The following PHACTR4 variants were observed in gnomAD, a reference collection of about 807,000 sequenced individuals.
The protein encoded by PHACTR4 is phosphatase and actin regulator 4, also known as protein phosphatase 1, regulatory subunit 124.
PHACTR4 carries 51 observed loss-of-function variants against 72.7 expected under a neutral mutation model. That is an observed-to-expected ratio of 0.70 (90% confidence interval 0.56 to 0.89). PHACTR4 has a LOEUF of 0.89. PHACTR4 is among the 40% of genes least tolerant of loss of function. The pLI, the probability that PHACTR4 is intolerant of heterozygous loss-of-function variation, is 0.00. For synonymous variants in PHACTR4, 255 were observed against 302.5 expected, an observed-to-expected ratio of 0.84 and a Z score of 1.63; for missense variants, 731 against 861.8, an observed-to-expected ratio of 0.85 and a Z score of 1.90.
chr1:28,414,935 G>A (rs147079369), intron 2 of PHACTR4, among the ~76,000 whole-genome samples: 1,796 of 152,192 alleles, frequency 0.012, 8 homozygotes, highest in Non-Finnish European at 0.017. Context: ...TGTATTACTT[G>A]TTAACCTATA....
intron 9 of PHACTR4, among the ~76,000 whole-genome samples, chr1:28,487,717 GTTTTTTGTTGT>G (rs1395865173): frequency 9.8e-6 from 1 of 102,416 alleles, no homozygotes; most frequent in African/African-American, 4.1e-5. Flanking sequence ...ACAAATTGTA[GTTTTTTGTTGT>G]TTTTTTTTTT....
intron 2 of PHACTR4, among the ~76,000 whole-genome samples, chr1:28,410,929 A>C (rs1193112012): frequency 6.7e-6 from 1 of 149,680 alleles, no homozygotes; most frequent in African/African-American, 2.5e-5. Context: ...CTGGTCTTGA[A>C]CTCCTGACCT....
At chr1:28,384,027 G>GGGT (rs1652382190) in intron 1 of PHACTR4, among the ~76,000 whole-genome samples, 1 of 152,138 alleles carries the variant, frequency 6.6e-6, no homozygotes, top group South Asian at 2.1e-4. Flanking sequence ...TGATTGTGGT[G>GGGT]GGTAAGCTTT....
rs560852561 is a variant in PHACTR4, at chr1:28,494,609, G to A, written c.2093+1518G>A. Among the ~76,000 whole-genome samples the A allele has an allele frequency of 2.4e-3, 371 of 152,318 alleles. 2 individuals carry two copies. The highest frequency in any genetic ancestry group is 8.3e-3 in the African/African-American group (345 of 41,574). ...AGAGGTTGCAGTGAGCCGAGATCGC[G>A]CAACTGCGCTCCAACCTGGGCAACA... On this transcript the variant is annotated intron_variant, in intron 13 of 13. Transcript: ENST00000373839.
intron 2 of PHACTR4, among the ~76,000 whole-genome samples, chr1:28,442,955 C>T (rs1258006122): frequency 6.6e-6 from 1 of 152,110 alleles, no homozygotes; most frequent in Non-Finnish European, 1.5e-5. Flanking sequence ...AAATCCTCCT[C>T]AGCTATTTGA....
rs575787210 is a variant in PHACTR4 at position 28,373,016 on chromosome 1, G to C, written c.-39+3191G>C. 2.6e-5 allele frequency among the ~76,000 whole-genome samples: 4 copies of C among 152,050 alleles called. No homozygotes were observed. In the East Asian group the frequency reaches 7.7e-4, roughly 29 times the overall value. The stretch of plus-strand genomic sequence containing the variant: ...TTCTGTCCCCCAGGTGGAGTAAAAT[G>C]CTATGATCATGGCCCACTGTAGCCT... On this transcript the variant is annotated intron_variant, in intron 1 of 13. Coordinates refer to ENST00000373839, the MANE Select transcript of PHACTR4 (RefSeq NM_001048183.3).
At chr1:28,387,400 T>G (rs1488326583) in intron 1 of PHACTR4, among the ~76,000 whole-genome samples, 1 of 152,114 alleles carries the variant, frequency 6.6e-6, no homozygotes, top group Non-Finnish European at 1.5e-5. Flanking sequence ...CATGGATTAA[T>G]CCCTGTTAAA....
intron 2 of PHACTR4, among the ~76,000 whole-genome samples, chr1:28,440,863 G>A (rs1217315362): frequency 6.6e-6 from 1 of 152,070 alleles, no homozygotes; most frequent in Non-Finnish European, 1.5e-5. Flanking sequence ...CTTTATGTGG[G>A]TAGCTGTTTG....
intron 4 of PHACTR4, among the ~76,000 whole-genome samples, chr1:28,464,209 ACC>A (rs1339915576): frequency 6.7e-6 from 1 of 149,522 alleles, no homozygotes; most frequent in African/African-American, 2.5e-5. Context: ...CAGATGATCC[ACC>A]CGCCTCGGCC....
At chr1:28,381,158 C>T (rs768534347) in intron 1 of PHACTR4, among the ~76,000 whole-genome samples, 4 of 150,942 alleles carry the variant, frequency 2.7e-5, no homozygotes, top group Non-Finnish European at 5.9e-5. Flanking sequence ...AGGCCCACAC[C>T]ACCACGCCCG....
chr1:28,408,861 G>A (rs1458596408), intron 2 of PHACTR4, among the ~76,000 whole-genome samples: 3 of 142,490 alleles, frequency 2.1e-5, no homozygotes, highest in African/African-American at 8.1e-5. Flanking sequence ...TTTTTTTTTG[G>A]TAGAGATAGG....
intron 4 of PHACTR4, 100 bp downstream of exon 4, chr1:28,460,392 T>C: frequency 1.6e-5 from 14 of 859,078 alleles, no homozygotes; most frequent in Non-Finnish European, 2.1e-5. Flanking sequence ...TTTATATTGC[T>C]ATTTTTGGGT....
intron 2 of PHACTR4, among the ~76,000 whole-genome samples, chr1:28,435,367 C>T (rs1005066030): frequency 1.3e-5 from 2 of 152,110 alleles, no homozygotes; most frequent in African/African-American, 4.8e-5. Context: ...TGAGTTCAAG[C>T]GATTCTCACG....
intron 1 of PHACTR4, among the ~76,000 whole-genome samples, chr1:28,398,002 C>T (rs1175194254): frequency 2.6e-5 from 4 of 152,018 alleles, no homozygotes; most frequent in African/African-American, 9.7e-5. Context: ...CATGAGCCAC[C>T]GCCGCTGGCC....
Position 28,500,093 on chromosome 1 carries a change from T to G in PHACTR4, c.*3544T>G, listed in dbSNP as rs1005599459. The G allele has an allele frequency of 6.6e-6, 1 of 152,182 alleles. No individual in the cohort carries two copies. The highest frequency in any genetic ancestry group is 2.4e-5 in the African/African-American group (1 of 41,442). The allele number at this position is 152,182 out of a possible 1,614,324, so 9.4% of individuals were successfully genotyped here. A position where few individuals can be genotyped will look rare whatever the true frequency, so the allele number is the denominator to read the frequency against. ...ATCTTTCGTCTCATTCATGTTATTT[T>G]CAAGTGAAACAAGACATTTTGGGGG... is the stretch of plus-strand genomic sequence containing the variant. On this transcript the variant is annotated 3_prime_UTR_variant, in exon 14 of 14. Transcript: ENST00000373839.
intron 1 of PHACTR4, among the ~76,000 whole-genome samples, chr1:28,391,390 T>G (rs61783805): frequency 2.0e-5 from 3 of 149,946 alleles, no homozygotes; most frequent in Admixed American, 2.0e-4. Flanking sequence ...CAGAGGGAGA[T>G]TCTGTCTCAA....
intron 2 of PHACTR4, among the ~76,000 whole-genome samples, chr1:28,427,856 T>C (rs1655971818): frequency 6.6e-6 from 1 of 152,222 alleles, no homozygotes; most frequent in African/African-American, 2.4e-5. Flanking sequence ...GTGGAGTGAA[T>C]AAGTGAGGGT....
intron 9 of PHACTR4, among the ~76,000 whole-genome samples, chr1:28,488,457 A>G (rs1660841482): frequency 6.6e-6 from 1 of 152,136 alleles, no homozygotes; most frequent in African/African-American, 2.4e-5. Context: ...AGATTGCACC[A>G]CTGCACTCCA....
At chr1:28,399,437 C>T (rs1054254950) in intron 1 of PHACTR4, among the ~76,000 whole-genome samples, 1 of 152,122 alleles carries the variant, frequency 6.6e-6, no homozygotes, top group South Asian at 2.1e-4. Context: ...TACCACTTTT[C>T]GGTATTCACA....
Sources: gnomAD v4.1 joint callset for allele counts (sites outside exome capture counted in the v4.1 genomes callset) on GRCh38, gnomAD v4.1.1 for gene constraint, MANE v1.5 for transcripts, NCBI Gene and HGNC (gene_info 2026-07-23, HGNC 2026-07-21) for gene names.